Variants in RPTOR observed in about 807,000 individuals in gnomAD.
RPTOR encodes the protein regulatory associated protein of MTOR complex 1.
In RPTOR, 21 loss-of-function variants were observed where a neutral mutation model predicts 169.9. The observed-to-expected ratio is 0.12, with a 90% confidence interval of 0.09 to 0.18. The LOEUF (loss-of-function observed/expected upper bound fraction) is 0.18. Among genes scored for constraint, RPTOR ranks in the 10% least tolerant of loss-of-function variants. The pLI, the probability that RPTOR is intolerant of heterozygous loss-of-function variation, is 1.00. For missense variants in RPTOR, 1,133 were observed against 1,855.9 expected, an observed-to-expected ratio of 0.61 and a Z score of 7.16; for synonymous variants, 732 against 753.2, an observed-to-expected ratio of 0.97 and a Z score of 0.46.
At chr17:80,807,732 T>C (rs1226648431) in intron 7 of RPTOR, among the ~76,000 whole-genome samples, 1 of 152,162 alleles carries the variant, frequency 6.6e-6, no homozygotes, top group Non-Finnish European at 1.5e-5. Flanking sequence ...ATTACACCTT[T>C]CTTCTCTTCT....
intron 22 of RPTOR, 46 bp from the exon 23 acceptor site, chr17:80,923,444 C>G: frequency 2.5e-6 from 4 of 1,609,822 alleles, no homozygotes; most frequent in Non-Finnish European, 3.4e-6. Context: ...TCTCGAAGCC[C>G]CAGACTCTGC....
chr17:80,569,844 C>T (rs2064884236), intron 1 of RPTOR, among the ~76,000 whole-genome samples: 1 of 152,130 alleles, frequency 6.6e-6, no homozygotes, highest in African/African-American at 2.4e-5. Context: ...TCTGAGTCTC[C>T]GTGAGGGTCG....
intron 25 of RPTOR, among the ~76,000 whole-genome samples, chr17:80,943,430 A>G (rs1479865109): frequency 1.3e-5 from 2 of 152,086 alleles, no homozygotes; most frequent in African/African-American, 4.8e-5. Flanking sequence ...GGTGAGAAGG[A>G]AAAAACGGGA....
At chr17:80,821,655 T>C (rs903669684) in intron 7 of RPTOR, among the ~76,000 whole-genome samples, 3 of 152,220 alleles carry the variant, frequency 2.0e-5, no homozygotes, top group Non-Finnish European at 4.4e-5. Context: ...TTCATTTGCC[T>C]GTTACCTGTC....
At chr17:80,916,920 G>A (rs1013718511) in intron 21 of RPTOR, among the ~76,000 whole-genome samples, 1 of 151,998 alleles carries the variant, frequency 6.6e-6, no homozygotes, top group Non-Finnish European at 1.5e-5. Flanking sequence ...CCCAGGAGAC[G>A]GAGATTGCGG....
chr17:80,953,551 G>A (rs1394618166), intron 28 of RPTOR, among the ~76,000 whole-genome samples: 4 of 152,248 alleles, frequency 2.6e-5, no homozygotes, highest in Non-Finnish European at 4.4e-5. Flanking sequence ...GCCTCCTGGC[G>A]CAGCCTCCGG....
At chr17:80,892,988 A>T in intron 19 of RPTOR, 119 bp downstream of exon 19, 3 of 1,230,688 alleles carry the variant, frequency 2.4e-6, no homozygotes, top group Non-Finnish European at 3.4e-6. Context: ...CGTGCCCTGA[A>T]GTCCCATCTG....
At position 80,635,159 on chromosome 17, in the gene RPTOR, C is replaced by T. The variant is rs543810357; in HGVS notation, c.266-8569C>T. 1.2e-4 allele frequency among the ~76,000 whole-genome samples: 18 copies of T among 152,294 alleles called. No individual in the cohort carries two copies. In the South Asian group the frequency reaches 1.2e-3, roughly 11 times the overall value. ...TCTTCTCCTCTCTGCCATTGCTGCTCCTCTCAGACCCGGTTATCCTTTGCC... is the reference window on the plus strand; with the variant it reads ...TCTTCTCCTCTCTGCCATTGCTGCTTCTCTCAGACCCGGTTATCCTTTGCC... On this transcript the variant is annotated intron_variant, in intron 2 of 33. Transcript: ENST00000306801.
intron 21 of RPTOR, among the ~76,000 whole-genome samples, chr17:80,919,851 C>G (rs1050101016): frequency 6.6e-6 from 1 of 152,234 alleles, no homozygotes; most frequent in Non-Finnish European, 1.5e-5. Flanking sequence ...CCTCTCTGGA[C>G]GCAGACCTCC....
chr17:80,907,995 G>A lies in RPTOR; in HGVS notation c.2402-816G>A, dbSNP rs8073318. Reference sequence around the variant, plus strand: ...TGGCTCAAAGGTTTGATGGGTGTGCGTTCACATCCTTCATCCTCTGGGCCT... The same window carrying A: ...TGGCTCAAAGGTTTGATGGGTGTGCATTCACATCCTTCATCCTCTGGGCCT... On this transcript the variant is annotated intron_variant, in intron 20 of 33. Transcript: ENST00000306801. Among the ~76,000 whole-genome samples the A allele has an allele frequency of 3.2e-3, 486 of 152,254 alleles. 4 individuals carry two copies. The highest frequency in any genetic ancestry group is 0.011 in the African/African-American group (472 of 41,540).
Position 80,893,740 on chromosome 17 carries a change from TCAGCACCAGCAG to T in RPTOR, c.2281_2292del (p.Thr761_Ser764del), listed in dbSNP as rs943567912. 15 of 1,608,970 alleles carry T rather than the reference TCAGCACCAGCAG, an allele frequency of 9.3e-6. No individual in the cohort carries two copies. The highest frequency in any genetic ancestry group is 1.3e-5 in the Non-Finnish European group (15 of 1,177,350). On this transcript the variant is annotated inframe_deletion, in exon 20 of 34. Coordinates refer to ENST00000306801, the MANE Select transcript of RPTOR (RefSeq NM_020761.3). The stretch of plus-strand genomic sequence containing the variant: ...GCGGTGGCGTTCTCCCCCGGAAACC[TCAGCACCAGCAG>T]CAGCGCCAGCAGCACCCTGGGCAGC...
At chr17:80,937,567 C>T (rs1405025294) in intron 24 of RPTOR, among the ~76,000 whole-genome samples, 1 of 152,194 alleles carries the variant, frequency 6.6e-6, no homozygotes, top group Non-Finnish European at 1.5e-5. Flanking sequence ...CCAAGAGGTA[C>T]AGGAGTGTCA....
intron 27 of RPTOR, among the ~76,000 whole-genome samples, chr17:80,948,313 C>T (rs1035019800): frequency 2.0e-5 from 3 of 152,252 alleles, no homozygotes; most frequent in Non-Finnish European, 1.5e-5. Context: ...CCTCGTGCAG[C>T]CCCTCCTCCG....
intron 5 of RPTOR, among the ~76,000 whole-genome samples, chr17:80,740,792 AACCTAAC>A (rs1011225153): frequency 9.2e-5 from 14 of 152,196 alleles, no homozygotes; most frequent in African/African-American, 3.4e-4. Flanking sequence ...AATCTGTAAA[AACCTAAC>A]AGCCGTCCTT....
At chr17:80,857,957 A>G in intron 13 of RPTOR, 57 bp downstream of exon 13, 1 of 1,369,510 alleles carries the variant, frequency 7.3e-7, no homozygotes, top group Non-Finnish European at 1.0e-6. Flanking sequence ...CCTTCTGGGG[A>G]TGCCGAGCCC....
intron 10 of RPTOR, among the ~76,000 whole-genome samples, chr17:80,838,638 C>A (rs1181993375): frequency 6.6e-6 from 1 of 152,264 alleles, no homozygotes; most frequent in Admixed American, 6.5e-5. Context: ...GAGCCTCTCA[C>A]ATCTGTGCAG....
At chr17:80,581,293 T>C (rs2065011051) in intron 1 of RPTOR, among the ~76,000 whole-genome samples, 2 of 152,226 alleles carry the variant, frequency 1.3e-5, no homozygotes, top group Admixed American at 6.5e-5. Context: ...CTTTCTTTCT[T>C]CCTTCCTTCC....
chr17:80,904,247 G>T (rs564905538), intron 20 of RPTOR, among the ~76,000 whole-genome samples: 1 of 152,202 alleles, frequency 6.6e-6, no homozygotes, highest in Non-Finnish European at 1.5e-5. Context: ...GAAAGGGGCC[G>T]CTGCGGAAGC....
rs1006620177 is a variant in RPTOR, at chr17:80,878,785, C to T, written c.1510-1630C>T. 6.6e-6 allele frequency among the ~76,000 whole-genome samples: 1 copy of T among 152,190 alleles called. No individual in the cohort carries two copies. The highest frequency in any genetic ancestry group is 1.5e-5 in the Non-Finnish European group (1 of 68,036). Reference sequence around the variant, plus strand: ...ACTTCCCGAAGTATTATCGTTACCCCTGAATATCCAAGGCAGGATCATTTT... The same window carrying T: ...ACTTCCCGAAGTATTATCGTTACCCTTGAATATCCAAGGCAGGATCATTTT... On this transcript the variant is annotated intron_variant, in intron 13 of 33. Transcript: ENST00000306801. The surrounding 1 kb of genome is among the most constrained non-coding windows in gnomAD (Gnocchi z 4.1).
Sources: gnomAD v4.1 joint callset for allele counts (sites outside exome capture counted in the v4.1 genomes callset) on GRCh38, gnomAD v4.1.1 for gene constraint, Gnocchi (gnomAD v3.1) non-coding constraint, MANE v1.5 for transcripts, NCBI Gene and HGNC (gene_info 2026-07-23, HGNC 2026-07-21) for gene names.